Variants in SKIC2 observed in about 807,000 individuals in gnomAD.
SKIC2 encodes the protein SKI2 subunit of superkiller complex, also known as superkiller complex protein 2.
chr6:31,961,526 T>C, the SKIC2 span: 4 of 1,582,402 alleles, frequency 2.5e-6, no homozygotes, highest in Non-Finnish European at 3.4e-6. Context: ...TCTTTATCAC[T>C]GCTACCCCTG....
the SKIC2 span, chr6:31,964,309 C>T: frequency 6.8e-6 from 11 of 1,612,874 alleles, no homozygotes; most frequent in East Asian, 2.2e-5. This position sits in a 1 kb window ranked among gnomAD's most constrained non-coding sequence, Gnocchi z 5.0. Flanking sequence ...TCAAGGAGAT[C>T]GTGGAGATGC....
At chr6:31,962,615 T>G in the SKIC2 span, 1 of 1,607,970 alleles carries the variant, frequency 6.2e-7, no homozygotes, top group South Asian at 1.1e-5. The surrounding 1 kb of genome is among the most constrained non-coding windows in gnomAD (Gnocchi z 5.0). Context: ...TACAGGGGAG[T>G]TTTGGCTGGG....
At chr6:31,961,965 T>C in the SKIC2 span, 28 of 1,612,912 alleles carry the variant, frequency 1.7e-5, no homozygotes, top group Middle Eastern at 6.6e-4. Flanking sequence ...TGGAACGGCA[T>C]GACTCTGTCT....
chr6:31,962,479 A>G, the SKIC2 span: 14 of 1,613,978 alleles, frequency 8.7e-6, no homozygotes, highest in Admixed American at 2.0e-4. The surrounding 1 kb of genome is among the most constrained non-coding windows in gnomAD (Gnocchi z 5.0). Flanking sequence ...GAGCAACCAG[A>G]AGTTCCGGGA....
the SKIC2 span, chr6:31,960,360 A>C: frequency 6.8e-6 from 11 of 1,605,950 alleles, no homozygotes; most frequent in Admixed American, 1.7e-4. Flanking sequence ...GGGTCATGAG[A>C]AACAGTTGGG....
the SKIC2 span, chr6:31,965,859 AAC>A: frequency 1.2e-6 from 2 of 1,613,078 alleles, no homozygotes; most frequent in African/African-American, 1.3e-5. This position sits in a 1 kb window ranked among gnomAD's most constrained non-coding sequence, Gnocchi z 5.6. Context: ...TCCATGCGCA[AAC>A]ACGATGGCTC....
At chr6:31,963,812 T>C in the SKIC2 span, 5 of 1,496,878 alleles carry the variant, frequency 3.3e-6, no homozygotes, top group South Asian at 1.2e-5. The surrounding 1 kb of genome is among the most constrained non-coding windows in gnomAD (Gnocchi z 5.3). Context: ...CCCCAGGGGT[T>C]TTGACTTGAG....
At chr6:31,961,496 T>C in the SKIC2 span, 2 of 1,552,498 alleles carry the variant, frequency 1.3e-6, no homozygotes, top group Non-Finnish European at 1.7e-6. Flanking sequence ...GGAGTGCTAA[T>C]TGAGAGCCCT....
At chr6:31,967,995 A>G in the SKIC2 span, 1 of 1,612,946 alleles carries the variant, frequency 6.2e-7, no homozygotes, top group Non-Finnish European at 8.5e-7. The surrounding 1 kb of genome is among the most constrained non-coding windows in gnomAD (Gnocchi z 4.9). Flanking sequence ...CAGCCAGGAG[A>G]TATGGCTGCC....
the SKIC2 span, chr6:31,967,201 C>T: frequency 6.2e-7 from 1 of 1,607,662 alleles, no homozygotes; most frequent in South Asian, 1.1e-5. This position sits in a 1 kb window ranked among gnomAD's most constrained non-coding sequence, Gnocchi z 4.9. Flanking sequence ...TCGTGTTACT[C>T]TAGGTGCTAC....
chr6:31,961,766 G>A, the SKIC2 span: 1 of 1,555,636 alleles, frequency 6.4e-7, no homozygotes, highest in Non-Finnish European at 8.8e-7. Flanking sequence ...CCAGAGGTCA[G>A]ATCCATCCCA....
At chr6:31,966,921 G>A in the SKIC2 span, 1 of 1,613,330 alleles carries the variant, frequency 6.2e-7, no homozygotes, top group Non-Finnish European at 8.5e-7. This position sits in a 1 kb window ranked among gnomAD's most constrained non-coding sequence, Gnocchi z 5.9. Context: ...TAGGCATCCA[G>A]AGGCCAGTGT....
At chr6:31,962,148 C>T in the SKIC2 span, 8 of 1,323,936 alleles carry the variant, frequency 6.0e-6, no homozygotes, top group African/African-American at 1.0e-4. The surrounding 1 kb of genome is among the most constrained non-coding windows in gnomAD (Gnocchi z 5.0). Flanking sequence ...ACCTCTCTAG[C>T]TCATCCTTTA....
chr6:31,961,698 C>T, the SKIC2 span: 1,470 of 1,607,016 alleles, frequency 9.1e-4, 16 homozygotes, highest in Admixed American at 0.017. Context: ...CATCTTCACA[C>T]GCTCCTCTAC....
chr6:31,966,574 A>T, the SKIC2 span: 4 of 801,758 alleles, frequency 5.0e-6, no homozygotes, highest in African/African-American at 6.8e-5. This position sits in a 1 kb window ranked among gnomAD's most constrained non-coding sequence, Gnocchi z 5.9. Flanking sequence ...AGAAGAGGTG[A>T]GCAAGTGGTT....
the SKIC2 span, chr6:31,961,908 G>A: frequency 1.1e-5 from 17 of 1,613,068 alleles, no homozygotes; most frequent in Non-Finnish European, 1.4e-5. Context: ...CTCTCCCATA[G>A]TGGGCATTTG....
chr6:31,966,015 T>C, the SKIC2 span: 1 of 1,575,760 alleles, frequency 6.3e-7, no homozygotes, highest in Admixed American at 1.7e-5. The surrounding 1 kb of genome is among the most constrained non-coding windows in gnomAD (Gnocchi z 5.9). Flanking sequence ...ATGATGATGG[T>C]GAGCGGGCCA....
At chr6:31,962,048 T>C in the SKIC2 span, 1 of 1,612,964 alleles carries the variant, frequency 6.2e-7, no homozygotes, top group Non-Finnish European at 8.5e-7. The surrounding 1 kb of genome is among the most constrained non-coding windows in gnomAD (Gnocchi z 5.0). Context: ...CAGAAACACA[T>C]GACACGGTAT....
At chr6:31,966,479 C>T in the SKIC2 span, among the ~76,000 whole-genome samples, 1 of 152,078 alleles carries the variant, frequency 6.6e-6, no homozygotes, top group Non-Finnish European at 1.5e-5. This position sits in a 1 kb window ranked among gnomAD's most constrained non-coding sequence, Gnocchi z 5.9. Context: ...GATTGGAGCC[C>T]ATCTCTTCCA....
Sources: allele counts gnomAD v4.1 joint callset (sites outside exome capture counted in the v4.1 genomes callset), GRCh38; gene constraint gnomAD v4.1.1; non-coding constraint Gnocchi (gnomAD v3.1); transcripts MANE v1.5; gene names NCBI Gene and HGNC (gene_info 2026-07-23, HGNC 2026-07-21).